The following SYN3 variants were observed in gnomAD, a reference collection of about 807,000 sequenced individuals.
SYN3 encodes synapsin-3.
A neutral mutation model predicts 65.8 loss-of-function variants in SYN3; 35 were observed. The observed-to-expected ratio is 0.53, with a 90% CI of 0.41 to 0.70. The LOEUF (loss-of-function observed/expected upper bound fraction) is 0.70. Ranked by LOEUF, SYN3 falls within the 30% of genes least tolerant of loss-of-function variation. The probability of loss-of-function intolerance (pLI) is 0.00; values close to 1 mark genes in which losing one functional copy is unlikely to be tolerated. For missense variants in SYN3, 680 were observed against 749.0 expected, an observed-to-expected ratio of 0.91 and a Z score of 1.08; for synonymous variants, 270 against 292.9, an observed-to-expected ratio of 0.92 and a Z score of 0.80.
At chr22:32,578,882 T>G (rs1187589488) in intron 7 of SYN3, among the ~76,000 whole-genome samples, 1 of 152,252 alleles carries the variant, frequency 6.6e-6, no homozygotes, top group Non-Finnish European at 1.5e-5. Flanking sequence ...TATTGAACTC[T>G]GATTTTGTAG....
intron 2 of SYN3, among the ~76,000 whole-genome samples, chr22:32,989,964 G>A (rs565539901): frequency 6.6e-6 from 1 of 151,982 alleles, no homozygotes; most frequent in Non-Finnish European, 1.5e-5. Flanking sequence ...CCACAGAAAG[G>A]GTTAACGTTT....
chr22:32,940,865 T>C (rs532736079), intron 3 of SYN3, among the ~76,000 whole-genome samples: 2 of 152,346 alleles, frequency 1.3e-5, no homozygotes, highest in South Asian at 4.1e-4. Context: ...ATGACCATCC[T>C]CTGTCTCCTT....
intron 1 of SYN3, among the ~76,000 whole-genome samples, chr22:33,021,989 T>C (rs540310628): frequency 3.8e-4 from 58 of 152,292 alleles, no homozygotes; most frequent in Non-Finnish European, 3.8e-4. Flanking sequence ...CTATCTTCAC[T>C]TGTTGTTTGG....
intron 6 of SYN3, among the ~76,000 whole-genome samples, chr22:32,716,294 T>C (rs776983396): frequency 3.9e-5 from 6 of 152,074 alleles, no homozygotes; most frequent in Admixed American, 6.5e-5. Flanking sequence ...TATCTCTGTG[T>C]ATGTGTGCCT....
At position 32,800,831 on chromosome 22, in the gene SYN3, G is replaced by A. The variant is rs886057424; in HGVS notation, c.711+64084C>T. 6.6e-6 allele frequency among the ~76,000 whole-genome samples: 1 copy of A among 152,148 alleles called. No individual in the cohort carries two copies. The highest frequency in any genetic ancestry group is 2.4e-5 in the African/African-American group (1 of 41,434). The stretch of plus-strand genomic sequence containing the variant: ...TACCTCTCTCCTGTGGCTTGCCCCA[G>A]AGCTGATCCTTGTCTTTGTCCACTT... On this transcript the variant is annotated intron_variant, in intron 6 of 13. Transcript: ENST00000358763.
chr22:32,586,093 T>C (rs1344270163), intron 7 of SYN3, among the ~76,000 whole-genome samples: 4 of 145,106 alleles, frequency 2.8e-5, no homozygotes, highest in African/African-American at 9.8e-5. Flanking sequence ...TGTATATATG[T>C]ATATATGTAT....
intron 6 of SYN3, among the ~76,000 whole-genome samples, chr22:32,722,467 T>A (rs1448494086): frequency 1.3e-5 from 2 of 152,196 alleles, no homozygotes; most frequent in Non-Finnish European, 2.9e-5. Flanking sequence ...ACCTGGGTCA[T>A]GCCCCTCACT....
At chr22:32,598,096 C>T (rs2059228620) in intron 6 of SYN3, among the ~76,000 whole-genome samples, 1 of 152,190 alleles carries the variant, frequency 6.6e-6, no homozygotes, top group African/African-American at 2.4e-5. Flanking sequence ...GTGGACCATT[C>T]CCAACTGGGG....
chr22:32,623,339 G>A (rs1328565126), intron 6 of SYN3, among the ~76,000 whole-genome samples: 1 of 151,974 alleles, frequency 6.6e-6, no homozygotes, highest in African/African-American at 2.4e-5. Context: ...ACAGATGCAT[G>A]CCATCACAGC....
At chr22:32,643,485 C>G (rs2059932310) in intron 6 of SYN3, among the ~76,000 whole-genome samples, 1 of 134,062 alleles carries the variant, frequency 7.5e-6, no homozygotes, top group African/African-American at 2.9e-5. Context: ...GCCAAAAGCC[C>G]AGAGAGTCCT....
At chr22:32,890,713 G>A (rs1352292429) in intron 4 of SYN3, among the ~76,000 whole-genome samples, 1 of 151,982 alleles carries the variant, frequency 6.6e-6, no homozygotes, top group Non-Finnish European at 1.5e-5. Flanking sequence ...TTTTTCACAC[G>A]CCACTTCTTC....
At chr22:33,054,048 T>G (rs974604114) in intron 1 of SYN3, among the ~76,000 whole-genome samples, 9 of 152,024 alleles carry the variant, frequency 5.9e-5, no homozygotes, top group African/African-American at 2.4e-5. Flanking sequence ...GGAGAGGGGG[T>G]TGGTGTCCTT....
intron 4 of SYN3, among the ~76,000 whole-genome samples, chr22:32,886,801 C>A (rs904024951): frequency 6.6e-6 from 1 of 152,276 alleles, no homozygotes; most frequent in South Asian, 2.1e-4. Context: ...ACTCTTTTGT[C>A]TCTAGTCTTT....
At chr22:32,783,971 C>T (rs2046131966) in intron 6 of SYN3, among the ~76,000 whole-genome samples, 1 of 152,194 alleles carries the variant, frequency 6.6e-6, no homozygotes, top group African/African-American at 2.4e-5. Context: ...TGGTATTTAC[C>T]TTACAAAGTT....
At chr22:32,665,068 G>A (rs956979978) in intron 6 of SYN3, among the ~76,000 whole-genome samples, 6 of 131,068 alleles carry the variant, frequency 4.6e-5, no homozygotes, top group Non-Finnish European at 4.6e-5. Context: ...GTGCCATCCC[G>A]GCTCACCACA....
chr22:32,581,631 G>T (rs1399539054), intron 7 of SYN3, among the ~76,000 whole-genome samples: 1 of 152,118 alleles, frequency 6.6e-6, no homozygotes, highest in African/African-American at 2.4e-5. Flanking sequence ...GGCTCCCTAA[G>T]ATACCCTAAG....
intron 1 of SYN3, among the ~76,000 whole-genome samples, chr22:33,008,924 C>CAAAAAAAAAAAAAAAAAAAAAAAAA (rs201719238): frequency 3.5e-5 from 2 of 57,066 alleles, no homozygotes; most frequent in Admixed American, 2.3e-4. Flanking sequence ...GACTTTATCT[C>CAAAAAAAAAAAAAAAAAAAAAAAAA]AAAAAAAAAA....
intron 6 of SYN3, among the ~76,000 whole-genome samples, chr22:32,748,691 C>T (rs1055819286): frequency 1.3e-5 from 2 of 152,220 alleles, no homozygotes; most frequent in African/African-American, 4.8e-5. Flanking sequence ...CTGGGGACAG[C>T]GCAGTTGTGG....
At chr22:32,746,159 C>T (rs2044926242) in intron 6 of SYN3, among the ~76,000 whole-genome samples, 1 of 152,176 alleles carries the variant, frequency 6.6e-6, no homozygotes, top group African/African-American at 2.4e-5. Flanking sequence ...GAGCGGGTTG[C>T]AGGAGCCCAC....
Sources: gnomAD v4.1 joint callset for allele counts (sites outside exome capture counted in the v4.1 genomes callset) on GRCh38, gnomAD v4.1.1 for gene constraint, MANE v1.5 for transcripts, NCBI Gene and HGNC (gene_info 2026-07-23, HGNC 2026-07-21) for gene names.